Variants in POFUT1 observed in about 807,000 individuals in gnomAD.
POFUT1 encodes protein O-fucosyltransferase 1, also known as GDP-fucose protein O-fucosyltransferase 1.
POFUT1 carries 16 observed loss-of-function variants against 42.4 expected under a neutral mutation model. The ratio of observed to expected loss-of-function variants is 0.38; its 90% CI spans 0.26 to 0.57. The LOEUF (loss-of-function observed/expected upper bound fraction) is 0.57. Ranked by LOEUF, POFUT1 falls within the 20% of genes least tolerant of loss-of-function variation. The pLI is 0.71. For missense variants in POFUT1, 470 were observed against 504.6 expected, an observed-to-expected ratio of 0.93 and a Z score of 0.66; for synonymous variants, 206 against 205.4, an observed-to-expected ratio of 1.00 and a Z score of -0.03.
In POFUT1 at chr20:32,210,120, A is replaced by C. The variant is rs1305096866; in HGVS notation, c.174A>C (p.Ala58=). ...ACTTCTTGGGCTCTCTGGCATTTGC[A>C]AAGCTGCTAAACCGTACCTTGGCTG... ...ADHFLGSLAF[A]KLLNRTLAVP... Residue 58 remains alanine, a synonymous_variant, in exon 2 of 7, where the codon GCA becomes GCC. Coordinates refer to ENST00000375749, the MANE Select transcript of POFUT1 (RefSeq NM_015352.2). The C allele has an allele frequency of 1.2e-6, 2 of 1,614,008 alleles. No individual in the cohort carries two copies. Among genetic ancestry groups the C allele is most frequent in the Non-Finnish European group, 1.7e-6 (2 of 1,180,022 alleles).
chr20:32,208,790 G>T (rs555915839), intron 1 of POFUT1, among the ~76,000 whole-genome samples: 1 of 152,252 alleles, frequency 6.6e-6, no homozygotes, highest in South Asian at 2.1e-4. Flanking sequence ...AGCTCTGATC[G>T]TGCCACCGCA....
chr20:32,228,158 C>T (rs1010302318), intron 4 of POFUT1, 105 bp from the exon 5 acceptor site: 12 of 851,910 alleles, frequency 1.4e-5, no homozygotes, highest in African/African-American at 5.1e-5. Context: ...GGGGCCCCTC[C>T]GCAGGGTCTC....
At chr20:32,211,279 ATTTTT>A (rs11397120) in intron 2 of POFUT1, among the ~76,000 whole-genome samples, 1 of 147,070 alleles carries the variant, frequency 6.8e-6, no homozygotes, top group African/African-American at 2.5e-5. Context: ...CGCACTCACT[ATTTTT>A]TTTTTTTTGA....
chr20:32,222,969 A>G (rs1271418418), intron 4 of POFUT1: 2 of 984,978 alleles, frequency 2.0e-6, no homozygotes, highest in Non-Finnish European at 2.4e-6. Flanking sequence ...GCAGTCCTTC[A>G]TGGCAGGGAC....
chr20:32,209,515 A>G (rs1376557503), intron 1 of POFUT1, among the ~76,000 whole-genome samples: 1 of 152,212 alleles, frequency 6.6e-6, no homozygotes, highest in Non-Finnish European at 1.5e-5. Flanking sequence ...GAAATGAATG[A>G]ACAGGTGCCA....
At chr20:32,223,183 G>A in intron 4 of POFUT1, 1 of 985,444 alleles carries the variant, frequency 1.0e-6, no homozygotes, top group East Asian at 1.1e-4. Flanking sequence ...CAGCAGGAAA[G>A]CCAGCTGACT....
Position 32,215,262 on chromosome 20 carries a change from C to A in POFUT1, c.247-7C>A. 6.2e-7 allele frequency: 1 copy of A among 1,603,372 alleles called. No individual in the cohort carries two copies. The highest frequency in any genetic ancestry group is 8.5e-7 in the Non-Finnish European group (1 of 1,171,138). ...AGACGGGACCTCTGCTCCTCCTTTT[C>A]CTGTAGCTCCATGTGTCCTACCAGA... On this transcript the variant is annotated splice_region_variant and splice_polypyrimidine_tract_variant and intron_variant, in intron 2 of 6. Coordinates refer to ENST00000375749, the MANE Select transcript of POFUT1 (RefSeq NM_015352.2).
intron 2 of POFUT1, 53 bp from the exon 3 acceptor site, chr20:32,215,216 A>G (rs555151144): frequency 1.0e-4 from 150 of 1,446,050 alleles, no homozygotes; most frequent in Non-Finnish European, 1.3e-4. Flanking sequence ...ATAAATGTCT[A>G]AAGTAGCCAC....
At chr20:32,215,717 G>A (rs1263416117) in intron 3 of POFUT1, among the ~76,000 whole-genome samples, 2 of 152,202 alleles carry the variant, frequency 1.3e-5, no homozygotes, top group African/African-American at 2.4e-5. Context: ...AGGGCCAGGT[G>A]AAAAAGTGCT....
At chr20:32,222,726 C>G in intron 4 of POFUT1, 1 of 985,456 alleles carries the variant, frequency 1.0e-6, no homozygotes, top group Non-Finnish European at 1.2e-6. Flanking sequence ...CCTTCCAGCT[C>G]TGCTCGTTCT....
chr20:32,238,438 A>G lies in POFUT1; in HGVS notation c.*3777A>G, dbSNP rs2047484427. 6.6e-6 allele frequency: 1 copy of G among 151,856 alleles called. No individual in the cohort carries two copies. The allele number at this position is 151,856 out of a possible 1,614,324, so 9.4% of individuals were successfully genotyped here. Reference sequence around the variant, plus strand: ...CTTCATGTGCCCCCAATTTTTCACTATTGTTATTTGAAAAAATATTTTTAT... The same window carrying G: ...CTTCATGTGCCCCCAATTTTTCACTGTTGTTATTTGAAAAAATATTTTTAT... On this transcript the variant is annotated 3_prime_UTR_variant, in exon 7 of 7. Coordinates refer to ENST00000375749, the MANE Select transcript of POFUT1 (RefSeq NM_015352.2).
chr20:32,226,019 A>G (rs1177034889), intron 4 of POFUT1, among the ~76,000 whole-genome samples: 1 of 152,180 alleles, frequency 6.6e-6, no homozygotes, highest in Non-Finnish European at 1.5e-5. Context: ...TTTGATGTCT[A>G]TAGTAAAAGT....
rs1447538346 is a variant in POFUT1 at position 32,223,538 on chromosome 20, T to C, written c.543-4725T>C. On this transcript the variant is annotated intron_variant, in intron 4 of 6. Coordinates refer to ENST00000375749, the MANE Select transcript of POFUT1 (RefSeq NM_015352.2). ...CGCAGATCCTGGTTTTATCCTGATA[T>C]TCCAGCCCCACTGGGAGATCTACTC... The C allele has an allele frequency of 6.1e-6, 6 of 982,656 alleles. No homozygotes were observed. The South Asian group carries it at 2.4e-4, about 39-fold the overall frequency. The allele number at this position is 982,656 out of a possible 1,614,324, so 60.9% of individuals were successfully genotyped here.
intron 2 of POFUT1, among the ~76,000 whole-genome samples, chr20:32,213,328 C>T (rs924848470): frequency 2.6e-4 from 40 of 150,988 alleles, no homozygotes; most frequent in African/African-American, 6.1e-4. Flanking sequence ...TCGTGGCGCC[C>T]GCCTGTAATC....
At chr20:32,227,247 G>A (rs968646246) in intron 4 of POFUT1, among the ~76,000 whole-genome samples, 4 of 152,116 alleles carry the variant, frequency 2.6e-5, no homozygotes, top group Non-Finnish European at 5.9e-5. Flanking sequence ...GACCGGGCGC[G>A]GTGGCCCACA....
At chr20:32,220,604 G>A (rs1057064402) in intron 4 of POFUT1, among the ~76,000 whole-genome samples, 6 of 152,228 alleles carry the variant, frequency 3.9e-5, no homozygotes, top group South Asian at 2.1e-4. Context: ...TTAGCTGGGC[G>A]TGGTGGCACA....
At chr20:32,223,905 G>GGGCA (rs2047402217) in intron 4 of POFUT1, among the ~76,000 whole-genome samples, 1 of 152,140 alleles carries the variant, frequency 6.6e-6, no homozygotes, top group Non-Finnish European at 1.5e-5. Context: ...CCAATTCCTA[G>GGGCA]CTGTGCAACC....
Position 32,235,264 on chromosome 20 carries a change from T to G in POFUT1, c.*603T>G, listed in dbSNP as rs2047464107. The stretch of plus-strand genomic sequence containing the variant: ...TCTGGGGCTTGGGGGATGAATGCTG[T>G]CCTGTGCTGTAAACACTATGCAAAT... On this transcript the variant is annotated 3_prime_UTR_variant, in exon 7 of 7. Coordinates refer to ENST00000375749, the MANE Select transcript of POFUT1 (RefSeq NM_015352.2). 6.5e-6 allele frequency: 1 copy of G among 153,210 alleles called. No homozygotes were observed. Among genetic ancestry groups the G allele is most frequent in the South Asian group, 2.1e-4 (1 of 4,854 alleles). 9.5% of individuals were successfully genotyped at this position (153,210 alleles called of 1,614,324 possible). A position where few individuals can be genotyped will look rare whatever the true frequency, so the allele number is the denominator to read the frequency against.
At chr20:32,212,362 C>T (rs552389059) in intron 2 of POFUT1, among the ~76,000 whole-genome samples, 1 of 151,972 alleles carries the variant, frequency 6.6e-6, no homozygotes, top group South Asian at 2.1e-4. Flanking sequence ...GCCTCCATCT[C>T]CTCAAGCAGT....
Sources: allele counts gnomAD v4.1 joint callset (sites outside exome capture counted in the v4.1 genomes callset), GRCh38; gene constraint gnomAD v4.1.1; transcripts MANE v1.5; gene names NCBI Gene and HGNC (gene_info 2026-07-23, HGNC 2026-07-21).